ELOVL7: variants seen among roughly 807,000 people sequenced by gnomAD.
The protein encoded by ELOVL7 is very long chain fatty acid elongase 7.
A neutral mutation model predicts 35.7 loss-of-function variants in ELOVL7; 27 were observed. The ratio of observed to expected loss-of-function variants is 0.76; its 90% CI spans 0.56 to 1.04. The LOEUF (loss-of-function observed/expected upper bound fraction) is 1.04, where lower values mean the gene tolerates loss of function less well. Among genes scored for constraint, ELOVL7 ranks in the 50% least tolerant of loss-of-function variants. The probability of loss-of-function intolerance (pLI) is 0.00; values close to 1 mark genes in which losing one functional copy is unlikely to be tolerated. For synonymous variants in ELOVL7, 113 were observed against 114.6 expected, an observed-to-expected ratio of 0.99 and a Z score of 0.09; for missense variants, 327 against 340.8, an observed-to-expected ratio of 0.96 and a Z score of 0.32.
chr5:60,757,447 A>G (rs1342021923), intron 8 of ELOVL7, 62 bp downstream of exon 8: 2 of 1,529,578 alleles, frequency 1.3e-6, no homozygotes, highest in East Asian at 2.3e-5. Context: ...ATCCTAATTC[A>G]CAGTGAAAAC....
rs541514270 is a variant in ELOVL7 at position 60,819,642 on chromosome 5, C to T, written c.-85-20412G>A. 7.2e-5 allele frequency among the ~76,000 whole-genome samples: 11 copies of T among 152,158 alleles called. No homozygotes were observed. The East Asian group carries it at 1.2e-3, about 16-fold the overall frequency. The stretch of plus-strand genomic sequence containing the variant: ...ACTAAATATACAAAAATTAGCTCGG[C>T]GTGGTGGCAGGCGGGCGCCTGTAAT... On this transcript the variant is annotated intron_variant, in intron 1 of 8. Transcript: ENST00000508821.
intron 4 of ELOVL7, among the ~76,000 whole-genome samples, chr5:60,771,075 A>T (rs1290977554): frequency 1.3e-5 from 2 of 152,166 alleles, no homozygotes; most frequent in African/African-American, 4.8e-5. Context: ...TGGAGAAACT[A>T]TGGTGCCAGG....
chr5:60,764,227 C>G lies in ELOVL7; in HGVS notation c.499G>C (p.Gly167Arg), dbSNP rs1742095666. Residue 167 changes from glycine to arginine, a missense_variant and splice_region_variant, in exon 7 of 9, where the codon GGT becomes CGT. Gly to Arg is a moderately radical substitution (Grantham distance 125). Coordinates refer to ENST00000508821, the MANE Select transcript of ELOVL7 (RefSeq NM_024930.3). ...ATGATCCCAAATTTCCCTTGTCTACCTGCAGCAAATTTGACTCCAAACCAC... is the reference window on the plus strand; with the variant it reads ...ATGATCCCAAATTTCCCTTGTCTACGTGCAGCAAATTTGACTCCAAACCAC... ...TWWFGVKFAA[G>R]GLGTFHALLN... 3 of 1,605,684 alleles carry G rather than the reference C, an allele frequency of 1.9e-6. No individual in the cohort carries two copies. The highest frequency in any genetic ancestry group is 2.6e-6 in the Non-Finnish European group (3 of 1,173,418).
At position 60,767,899 on chromosome 5, in the gene ELOVL7, A is replaced by G. The variant is rs1196354786; in HGVS notation, c.260T>C (p.Val87Ala). The G allele has an allele frequency of 6.2e-7, 1 of 1,613,342 alleles. No individual in the cohort carries two copies. The highest frequency in any genetic ancestry group is 8.5e-7 in the Non-Finnish European group (1 of 1,179,442). ...LFSVYMCYEF[V>A]MSGWGIGYSF... is the part of the protein sequence containing the mutation. The stretch of plus-strand genomic sequence containing the variant: ...ATAACCTATACCCCAGCCAGACATC[A>G]CAAACTGCAAGAGAGCACATGCATA... The change falls in exon 5 of 9, where the codon GTG becomes GCG. Residue 87 changes from valine (V) to alanine (A), a missense_variant. Coordinates refer to ENST00000508821, the MANE Select transcript of ELOVL7 (RefSeq NM_024930.3).
intron 1 of ELOVL7, among the ~76,000 whole-genome samples, chr5:60,827,396 A>C (rs1446339690): frequency 6.6e-6 from 1 of 152,200 alleles, no homozygotes; most frequent in Non-Finnish European, 1.5e-5. Context: ...ACAAACAAAA[A>C]TTGTAGACAA....
rs1489376449 is a variant in ELOVL7, at chr5:60,752,207, C to T, written c.*2417G>A. ...TACAAATTCCATATCCAGTGAAAAT[C>T]ATTTTGATCCACAATCATGTTGATG... On this transcript the variant is annotated 3_prime_UTR_variant, in exon 9 of 9. Coordinates refer to ENST00000508821, the MANE Select transcript of ELOVL7 (RefSeq NM_024930.3). The T allele has an allele frequency of 6.6e-6, 1 of 152,256 alleles. No homozygotes were observed. The highest frequency in any genetic ancestry group is 1.5e-5 in the Non-Finnish European group (1 of 68,008). The allele number at this position is 152,256 out of a possible 1,614,324, so 9.4% of individuals were successfully genotyped here. A position where few individuals can be genotyped will look rare whatever the true frequency, so the allele number is the denominator to read the frequency against.
chr5:60,759,148 T>C (rs1164552720), intron 7 of ELOVL7, among the ~76,000 whole-genome samples: 1 of 152,220 alleles, frequency 6.6e-6, no homozygotes, highest in Non-Finnish European at 1.5e-5. Context: ...AATAATTACT[T>C]TTAAGCAGTT....
chr5:60,787,470 A>T, intron 2 of ELOVL7, 39 bp from the exon 3 acceptor site: 1 of 1,152,096 alleles, frequency 8.7e-7, no homozygotes, highest in Non-Finnish European at 1.2e-6. Flanking sequence ...TATAATCTAT[A>T]AATGCAAATA....
chr5:60,791,955 C>A (rs575811619), intron 2 of ELOVL7, among the ~76,000 whole-genome samples: 36 of 152,210 alleles, frequency 2.4e-4, no homozygotes, highest in African/African-American at 7.2e-4. Context: ...ATTTTCCCCT[C>A]CCCAGTCCTC....
chr5:60,780,097 T>C (rs1284357540), intron 3 of ELOVL7, among the ~76,000 whole-genome samples: 2 of 151,162 alleles, frequency 1.3e-5, no homozygotes, highest in African/African-American at 4.9e-5. Flanking sequence ...AAGTCTCTAG[T>C]AAGTTCCAAA....
intron 3 of ELOVL7, chr5:60,786,049 A>T (rs1208543363): frequency 6.6e-6 from 1 of 152,226 alleles, no homozygotes; most frequent in Admixed American, 6.5e-5. Context: ...GGTAAGAATC[A>T]ACCTAAAGTA....
intron 1 of ELOVL7, among the ~76,000 whole-genome samples, chr5:60,834,037 T>A (rs1746637791): frequency 6.6e-6 from 1 of 152,240 alleles, no homozygotes; most frequent in African/African-American, 2.4e-5. Flanking sequence ...CTAATAAATT[T>A]TTCAAGTTTA....
chr5:60,764,274 T>C lies in ELOVL7; in HGVS notation c.452A>G (p.His151Arg), dbSNP rs760504279. Residue 151 changes from histidine to arginine, a missense_variant, in exon 7 of 9, where the codon CAT becomes CGT. His to Arg is a conservative substitution (Grantham distance 29). Coordinates refer to ENST00000508821, the MANE Select transcript of ELOVL7 (RefSeq NM_024930.3). ...SQVTFLHVFHHTIMPWTWWFG... is the reference protein window; with the variant it reads ...SQVTFLHVFHRTIMPWTWWFG... The stretch of plus-strand genomic sequence containing the variant: ...CCACCAGGTCCACGGCATGATGGTA[T>C]GATGGAATACATGAAGGAAAGTCAC... The C allele has an allele frequency of 3.7e-6, 6 of 1,613,854 alleles. No individual in the cohort carries two copies. Among genetic ancestry groups the C allele is most frequent in the Non-Finnish European group, 4.2e-6 (5 of 1,179,838 alleles).
chr5:60,756,128 T>C (rs1741525967), intron 8 of ELOVL7, among the ~76,000 whole-genome samples: 1 of 141,396 alleles, frequency 7.1e-6, no homozygotes, highest in African/African-American at 3.1e-5. Context: ...TGTTTGTGTA[T>C]AATAGACATA....
At chr5:60,762,265 C>T (rs1741968092) in intron 7 of ELOVL7, among the ~76,000 whole-genome samples, 1 of 145,194 alleles carries the variant, frequency 6.9e-6, no homozygotes, top group Non-Finnish European at 1.5e-5. Context: ...CACCACTGCA[C>T]TCCACCCTGG....
chr5:60,828,488 C>T (rs1054433616), intron 1 of ELOVL7, among the ~76,000 whole-genome samples: 1 of 152,140 alleles, frequency 6.6e-6, no homozygotes, highest in Non-Finnish European at 1.5e-5. Flanking sequence ...GTATTTATAG[C>T]TTTAGAAAAA....
intron 7 of ELOVL7, among the ~76,000 whole-genome samples, chr5:60,763,146 T>G (rs1742025938): frequency 6.6e-6 from 1 of 152,230 alleles, no homozygotes; most frequent in Non-Finnish European, 1.5e-5. Flanking sequence ...CTTAAAAACA[T>G]TCTTCAGTAA....
intron 4 of ELOVL7, among the ~76,000 whole-genome samples, chr5:60,770,580 A>C (rs143761555): frequency 1.4e-4 from 21 of 152,272 alleles, no homozygotes; most frequent in Non-Finnish European, 2.5e-4. Context: ...TTTTCCTCTC[A>C]GTTGCTCATA....
At chr5:60,809,435 G>C (rs1217382959) in intron 1 of ELOVL7, among the ~76,000 whole-genome samples, 1 of 152,188 alleles carries the variant, frequency 6.6e-6, no homozygotes, top group Non-Finnish European at 1.5e-5. Context: ...TTGAATGGAA[G>C]GACTTCTAGA....
Sources: allele counts gnomAD v4.1 joint callset (sites outside exome capture counted in the v4.1 genomes callset), GRCh38; gene constraint gnomAD v4.1.1; transcripts MANE v1.5; gene names NCBI Gene and HGNC (gene_info 2026-07-23, HGNC 2026-07-21).